GIGYF2: variants seen among roughly 807,000 people sequenced by gnomAD.
The protein encoded by GIGYF2 is GRB10 interacting GYF protein 2, also known as GRB10-interacting GYF protein 2.
Under a neutral mutation model 208.1 loss-of-function variants are expected in GIGYF2, and 25 were observed. The observed-to-expected ratio is 0.12, with a 90% CI of 0.09 to 0.17. The LOEUF is 0.17. Ranked by LOEUF, GIGYF2 falls within the 10% of genes least tolerant of loss-of-function variation. The probability of loss-of-function intolerance (pLI) is 1.00; values close to 1 mark genes in which losing one functional copy is unlikely to be tolerated. For missense variants in GIGYF2, 1,302 were observed against 1,579.4 expected (o/e 0.82, Z 2.98); for synonymous variants, 534 against 543.8 (o/e 0.98, Z 0.25).
rs1559392381 is a variant in GIGYF2 at position 232,735,165 on chromosome 2, A to AT, written c.-32dup. On this transcript the variant is annotated 5_prime_UTR_variant, in exon 3 of 29. Coordinates refer to ENST00000373563, the MANE Select transcript of GIGYF2 (RefSeq NM_001103146.3). Reference sequence around the variant, plus strand: ...TTTTCTCGTTAACAGGTTTCTTCACATATAAAAATCTATTGTAAAAATACG... The same window carrying AT: ...TTTTCTCGTTAACAGGTTTCTTCACATTATAAAAATCTATTGTAAAAATACG... 6.7e-7 allele frequency: 1 copy of AT among 1,490,638 alleles called. No homozygotes were observed. The highest frequency in any genetic ancestry group is 2.3e-5 in the East Asian group (1 of 44,340). 92.3% of individuals were successfully genotyped at this position (1,490,638 alleles called of 1,614,324 possible). A position where few individuals can be genotyped will look rare whatever the true frequency, so the allele number is the denominator to read the frequency against.
At chr2:232,773,721 A>G (rs1439141981) in intron 8 of GIGYF2, among the ~76,000 whole-genome samples, 6 of 152,048 alleles carry the variant, frequency 3.9e-5, no homozygotes, top group African/African-American at 1.2e-4. Context: ...AATCATACCA[A>G]ATACTTCATA....
chr2:232,725,270 TTTTGTGATGTAGCCACTG>T (rs1176296185), intron 2 of GIGYF2, among the ~76,000 whole-genome samples: 1 of 152,234 alleles, frequency 6.6e-6, no homozygotes, highest in Non-Finnish European at 1.5e-5. Context: ...ATGCAAAGAC[TTTTGTGATGTAGCCACTG>T]CTTTACCAAT....
At chr2:232,785,852 A>G (rs1212296839) in intron 8 of GIGYF2, among the ~76,000 whole-genome samples, 1 of 152,242 alleles carries the variant, frequency 6.6e-6, no homozygotes, top group Non-Finnish European at 1.5e-5. Context: ...CTGTTGTTCA[A>G]TTATTTTTTC....
At position 232,859,791 on chromosome 2, in the gene GIGYF2, T is replaced by G. The variant is rs531522938; in HGVS notation, c.*2931T>G. ...AGCTGGGTTGATGACTGGAGGAGCT[T>G]ATGTGTGTCGTCTCCGGAATGGCAG... On this transcript the variant is annotated 3_prime_UTR_variant, in exon 29 of 29. Coordinates refer to ENST00000373563, the MANE Select transcript of GIGYF2 (RefSeq NM_001103146.3). 1 of 152,340 alleles carries G rather than the reference T, an allele frequency of 6.6e-6. No individual in the cohort carries two copies. The highest frequency in any genetic ancestry group is 1.9e-4 in the East Asian group (1 of 5,180). 9.4% of individuals were successfully genotyped at this position (152,340 alleles called of 1,614,324 possible). A position where few individuals can be genotyped will look rare whatever the true frequency, so the allele number is the denominator to read the frequency against.
intron 3 of GIGYF2, among the ~76,000 whole-genome samples, chr2:232,744,005 T>C (rs1026230223): frequency 7.9e-5 from 12 of 151,808 alleles, no homozygotes; most frequent in African/African-American, 2.9e-4. Context: ...ACCACCATGC[T>C]CTGCTAATTT....
At chr2:232,729,546 C>A in intron 2 of GIGYF2, 1 of 1,344,812 alleles carries the variant, frequency 7.4e-7, no homozygotes, top group Non-Finnish European at 1.0e-6. Context: ...AAAGCAGCCA[C>A]ATCCATGGAC....
chr2:232,759,618 T>C (rs996136072), intron 6 of GIGYF2, among the ~76,000 whole-genome samples: 1 of 152,198 alleles, frequency 6.6e-6, no homozygotes, highest in Admixed American at 6.5e-5. Context: ...GGCATCATAG[T>C]GTTCTACTGT....
chr2:232,809,639 T>C lies in GIGYF2; in HGVS notation c.1807-81T>C, dbSNP rs1320763142. ...GTAAAGGTCTTAGATTCATTTTGATTTCAGATACCTGTACTAAGTGGCTTT... is the reference window on the plus strand; with the variant it reads ...GTAAAGGTCTTAGATTCATTTTGATCTCAGATACCTGTACTAAGTGGCTTT... On this transcript the variant is annotated intron_variant, in intron 15 of 28. Transcript: ENST00000373563. 5 of 818,034 alleles carry C rather than the reference T, an allele frequency of 6.1e-6. No homozygotes were observed. The East Asian group carries it at 9.7e-5, about 16-fold the overall frequency. 50.7% of individuals were successfully genotyped at this position (818,034 alleles called of 1,614,324 possible). A position where few individuals can be genotyped will look rare whatever the true frequency, so the allele number is the denominator to read the frequency against.
chr2:232,788,238 A>G (rs192394275), intron 9 of GIGYF2: 1 of 156,768 alleles, frequency 6.4e-6, no homozygotes, highest in Admixed American at 6.4e-5. Context: ...CTGGGTAGAC[A>G]TTATAACAGG....
chr2:232,773,722 A>G (rs1699379919), intron 8 of GIGYF2, among the ~76,000 whole-genome samples: 1 of 152,052 alleles, frequency 6.6e-6, no homozygotes. Flanking sequence ...ATCATACCAA[A>G]TACTTCATAT....
intron 22 of GIGYF2, among the ~76,000 whole-genome samples, chr2:232,838,115 A>C (rs187398224): frequency 6.6e-6 from 1 of 152,304 alleles, no homozygotes; most frequent in East Asian, 1.9e-4. Context: ...TGTACAAAGA[A>C]GACTTAAGGA....
intron 2 of GIGYF2, among the ~76,000 whole-genome samples, chr2:232,728,309 A>G (rs1289045651): frequency 6.6e-6 from 1 of 152,170 alleles, no homozygotes; most frequent in African/African-American, 2.4e-5. Context: ...ACTTTTTTAG[A>G]GGAGTGTAGG....
chr2:232,806,530 C>T lies in GIGYF2; in HGVS notation c.1679C>T (p.Ala560Val), dbSNP rs761136505. ...NNQEMAEWFQ[A>V]GYFTMSLLVK... ...CAGGAGATGGCAGAATGGTTTCAGG[C>T]GGGCTATTTTACTATGTCTTTATTG... The change falls in exon 15 of 29, where the codon GCG (alanine) becomes GTG (valine). Residue 560 changes from alanine (A) to valine (V), a missense_variant. Around this residue, in one of 8 missense-constraint regions of GIGYF2, gnomAD observed 69 missense variants for 132.8 expected, o/e 0.52. Transcript: ENST00000373563. The surrounding 1 kb of genome is among the most constrained non-coding windows in gnomAD (Gnocchi z 4.0). 3.0e-5 allele frequency: 49 copies of T among 1,609,220 alleles called. No homozygotes were observed. Among genetic ancestry groups the T allele is most frequent in the African/African-American group, 8.0e-5 (6 of 74,788 alleles).
At position 232,844,589 on chromosome 2, in the gene GIGYF2, G is replaced by A. The variant is rs971829185; in HGVS notation, c.3305+15G>A. ...GCCAGTCTCAGGTAGGGCTCAAAAT[G>A]ACCACACCTATGCACCTTGGTTGGT... On this transcript the variant is annotated intron_variant, in intron 25 of 28. Coordinates refer to ENST00000373563, the MANE Select transcript of GIGYF2 (RefSeq NM_001103146.3). The A allele has an allele frequency of 4.5e-6, 7 of 1,570,484 alleles. No homozygotes were observed. In the East Asian group the frequency reaches 6.7e-5, roughly 15 times the overall value.
intron 12 of GIGYF2, among the ~76,000 whole-genome samples, chr2:232,791,693 A>T (rs1219410108): frequency 6.6e-6 from 1 of 152,204 alleles, no homozygotes; most frequent in African/African-American, 2.4e-5. Context: ...AGGTGTTATG[A>T]CATAGCCACC....
Position 232,787,304 on chromosome 2 carries a change from A to G in GIGYF2, c.687A>G (p.Gly229=), listed in dbSNP as rs373187202. Residue 229 remains glycine (G), a synonymous_variant, in exon 9 of 29, where the codon GGA becomes GGG. Transcript: ENST00000373563. The part of the protein sequence containing the change: ...GWRLAGSRRD[G]ERWRPHSPDG... ...GACTAGCTGGATCAAGGAGGGATGG[A>G]GAGAGGTGGCGACCTCACAGTCCTG... 1.9e-6 allele frequency: 3 copies of G among 1,613,968 alleles called. No homozygotes were observed. The African/African-American group carries it at 4.0e-5, about 22-fold the overall frequency.
chr2:232,756,079 T>C, intron 5 of GIGYF2, 144 bp from the exon 6 acceptor site: 1 of 603,396 alleles, frequency 1.7e-6, no homozygotes. Context: ...GCAGTTATGG[T>C]TTTCCATTGC....
rs565680236 is a variant in GIGYF2 at position 232,850,702 on chromosome 2, T to TA, written c.3832+293_3832+294insA. The stretch of plus-strand genomic sequence containing the variant: ...ATTTCCCTGGAGGATCCTGAGTAAT[T>TA]TAGTTGGAAAATGATGCTAATAATG... On this transcript the variant is annotated intron_variant, in intron 28 of 28. Transcript: ENST00000373563. 4.2e-4 allele frequency among the ~76,000 whole-genome samples: 64 copies of TA among 152,256 alleles called. No individual in the cohort carries two copies. The South Asian group carries it at 0.01, about 25-fold the overall frequency.
chr2:232,795,007 C>T (rs966497782), intron 13 of GIGYF2, 63 bp downstream of exon 13: 1 of 1,171,876 alleles, frequency 8.5e-7, no homozygotes, highest in African/African-American at 1.5e-5. Flanking sequence ...GCAGGCATTG[C>T]ATGAATATTC....
Sources: allele counts gnomAD v4.1 joint callset (sites outside exome capture counted in the v4.1 genomes callset), GRCh38; gene constraint gnomAD v4.1.1; regional missense constraint gnomAD v4.1.1; non-coding constraint Gnocchi (gnomAD v3.1); transcripts MANE v1.5; gene names NCBI Gene and HGNC (gene_info 2026-07-23, HGNC 2026-07-21).